Variants in KCNQ3 observed in about 807,000 individuals in gnomAD.
KCNQ3 encodes potassium voltage-gated channel subfamily KQT member 3.
Under a neutral mutation model 92.5 loss-of-function variants are expected in KCNQ3, and 30 were observed. The ratio of observed to expected loss-of-function variants is 0.32; its 90% CI spans 0.24 to 0.44. KCNQ3 has a LOEUF of 0.44. KCNQ3 is among the 20% of genes least tolerant of loss of function. The pLI is 1.00. For missense variants in KCNQ3, 913 were observed against 1,140.3 expected, an observed-to-expected ratio of 0.80 and a Z score of 2.87; for synonymous variants, 450 against 468.8, an observed-to-expected ratio of 0.96 and a Z score of 0.52.
chr8:132,320,527 C>G, intron 1 of KCNQ3, among the ~76,000 whole-genome samples: 1 of 152,106 alleles, frequency 6.6e-6, no homozygotes, highest in South Asian at 2.1e-4. Context: ...AGAGCCACTT[C>G]CAATCTGAAA....
At chr8:132,231,314 C>A (rs1280005490) in intron 1 of KCNQ3, among the ~76,000 whole-genome samples, 1 of 152,194 alleles carries the variant, frequency 6.6e-6, no homozygotes, top group African/African-American at 2.4e-5. Context: ...AAAGAATACA[C>A]TCATATAGGT....
chr8:132,276,558 G>T (rs1316766189), intron 1 of KCNQ3, among the ~76,000 whole-genome samples: 1 of 152,146 alleles, frequency 6.6e-6, no homozygotes, highest in African/African-American at 2.4e-5. Flanking sequence ...CTAATTCCAG[G>T]CAGCGATGGG....
chr8:132,152,256 G>T (rs1825661449), intron 9 of KCNQ3, among the ~76,000 whole-genome samples: 1 of 152,170 alleles, frequency 6.6e-6, no homozygotes. Context: ...CTAACCGAAT[G>T]AACTCACAGA....
chr8:132,205,177 C>CTTA (rs1813618202), intron 1 of KCNQ3, among the ~76,000 whole-genome samples: 2 of 152,244 alleles, frequency 1.3e-5, no homozygotes, highest in East Asian at 3.9e-4. Flanking sequence ...GGTACTCACC[C>CTTA]TCCAAAAAGA....
chr8:132,398,432 T>A (rs1820250721), intron 1 of KCNQ3, among the ~76,000 whole-genome samples: 1 of 152,212 alleles, frequency 6.6e-6, no homozygotes, highest in Non-Finnish European at 1.5e-5. Flanking sequence ...TATTTTTAAG[T>A]GGCATTTTCT....
At chr8:132,336,484 C>A (rs1006371551) in intron 1 of KCNQ3, among the ~76,000 whole-genome samples, 1 of 152,174 alleles carries the variant, frequency 6.6e-6, no homozygotes, top group Non-Finnish European at 1.5e-5. Context: ...ATTCATGGAG[C>A]TCCAGACAAA....
intron 1 of KCNQ3, among the ~76,000 whole-genome samples, chr8:132,420,150 G>A (rs1011248375): frequency 3.3e-5 from 5 of 152,100 alleles, no homozygotes; most frequent in Non-Finnish European, 5.9e-5. Flanking sequence ...TGGGAGATGG[G>A]AGAGGGCTCT....
In KCNQ3 at chr8:132,465,980, T is replaced by A. The variant is rs1006333765; in HGVS notation, c.386+14167A>T. ...ATAAAAGGAAAGAACTCGCCTGTTT[T>A]ATTTGGTGAAAATTACAAATATGTG... is the stretch of plus-strand genomic sequence containing the variant. On this transcript the variant is annotated intron_variant, in intron 1 of 14. Transcript: ENST00000388996. Among the ~76,000 whole-genome samples, 4 of 152,138 alleles carry A rather than the reference T, an allele frequency of 2.6e-5. No individual in the cohort carries two copies. In the East Asian group the frequency reaches 7.7e-4, roughly 29 times the overall value.
At chr8:132,172,484 G>T in intron 7 of KCNQ3, 114 bp downstream of exon 7, 1 of 953,860 alleles carries the variant, frequency 1.0e-6, no homozygotes, top group Non-Finnish European at 1.7e-6. Flanking sequence ...TCCTGTCCCA[G>T]TTCATGAGTA....
chr8:132,406,310 G>A (rs2597337), intron 1 of KCNQ3, among the ~76,000 whole-genome samples: 2 of 151,920 alleles, frequency 1.3e-5, no homozygotes, highest in African/African-American at 4.8e-5. Context: ...GACTCGGGAG[G>A]ATGGGCTGAA....
At chr8:132,378,116 G>C (rs533505093) in intron 1 of KCNQ3, among the ~76,000 whole-genome samples, 8 of 152,208 alleles carry the variant, frequency 5.3e-5, no homozygotes, top group Non-Finnish European at 1.2e-4. Context: ...CAATATGGCC[G>C]GGCATGGTGG....
At chr8:132,401,625 C>T (rs898249402) in intron 1 of KCNQ3, among the ~76,000 whole-genome samples, 40 of 152,322 alleles carry the variant, frequency 2.6e-4, no homozygotes, top group Admixed American at 7.8e-4. Context: ...CCGCCTGCCT[C>T]GGCCTCCCAA....
intron 1 of KCNQ3, among the ~76,000 whole-genome samples, chr8:132,454,233 C>T (rs75004574): frequency 8.7e-4 from 133 of 152,202 alleles, no homozygotes; most frequent in African/African-American, 3.1e-3. Flanking sequence ...GGCCTGTCCT[C>T]GGGTTCATGT....
intron 1 of KCNQ3, among the ~76,000 whole-genome samples, chr8:132,396,483 A>T (rs1820197128): frequency 6.6e-6 from 1 of 151,840 alleles, no homozygotes; most frequent in South Asian, 2.1e-4. Flanking sequence ...TTATATTATC[A>T]AAAGGAAGAC....
chr8:132,398,719 A>T (rs985841352), intron 1 of KCNQ3, among the ~76,000 whole-genome samples: 2 of 152,202 alleles, frequency 1.3e-5, no homozygotes, highest in Non-Finnish European at 2.9e-5. Flanking sequence ...GATACAGGAG[A>T]GGGGAGCATG....
intron 1 of KCNQ3, among the ~76,000 whole-genome samples, chr8:132,250,666 C>T (rs1379526407): frequency 6.6e-6 from 1 of 152,134 alleles, no homozygotes; most frequent in Non-Finnish European, 1.5e-5. Flanking sequence ...TGGACCATTT[C>T]TCTATTTCCA....
chr8:132,283,731 G>A (rs1330313226), intron 1 of KCNQ3, among the ~76,000 whole-genome samples: 5 of 152,194 alleles, frequency 3.3e-5, no homozygotes, highest in Admixed American at 6.5e-5. Flanking sequence ...AGAAGTATAC[G>A]CATGTAGAAG....
chr8:132,218,678 G>T (rs1021708637), intron 1 of KCNQ3, among the ~76,000 whole-genome samples: 3 of 152,146 alleles, frequency 2.0e-5, no homozygotes, highest in Non-Finnish European at 2.9e-5. Context: ...TCAAAATCTG[G>T]TATGTTTGGA....
intron 7 of KCNQ3, among the ~76,000 whole-genome samples, chr8:132,172,172 TCTCAAAAAAAA>T (rs1323149631): frequency 2.0e-5 from 3 of 150,554 alleles, no homozygotes; most frequent in African/African-American, 7.3e-5. Context: ...GACAAGAGAG[TCTCAAAAAAAA>T]CTCAAAAAAC....
Sources: gnomAD v4.1 joint callset for allele counts (sites outside exome capture counted in the v4.1 genomes callset) on GRCh38, gnomAD v4.1.1 for gene constraint, MANE v1.5 for transcripts, NCBI Gene and HGNC (gene_info 2026-07-23, HGNC 2026-07-21) for gene names.